YWHAE: variants seen among roughly 807,000 people sequenced by gnomAD.
YWHAE encodes tyrosine 3-monooxygenase/tryptophan 5-monooxygenase activation protein epsilon.
A neutral mutation model predicts 30.1 loss-of-function variants in YWHAE; 4 were observed. The ratio of observed to expected loss-of-function variants is 0.13; its 90% CI spans 0.07 to 0.30. The LOEUF (loss-of-function observed/expected upper bound fraction) is 0.30. Ranked by LOEUF, YWHAE falls within the 10% of genes least tolerant of loss-of-function variation. YWHAE has a pLI of 1.00. For missense variants in YWHAE, 121 were observed against 315.9 expected (o/e 0.38, Z 4.68); for synonymous variants, 118 against 111.8 (o/e 1.06, Z -0.35).
intron 4 of YWHAE, among the ~76,000 whole-genome samples, chr17:1,357,487 A>G (rs1402612964): frequency 6.8e-6 from 1 of 147,898 alleles, no homozygotes; most frequent in African/African-American, 2.5e-5. Context: ...GGCTGAGGCG[A>G]GAGAATCGCC....
At chr17:1,353,681 T>C (rs1220582506) in intron 5 of YWHAE, among the ~76,000 whole-genome samples, 1 of 151,022 alleles carries the variant, frequency 6.6e-6, no homozygotes, top group African/African-American at 2.4e-5. Context: ...GGAGAATCGC[T>C]TGAACCCGGG....
intron 5 of YWHAE, among the ~76,000 whole-genome samples, chr17:1,349,247 C>T (rs2072579446): frequency 6.6e-6 from 1 of 152,182 alleles, no homozygotes; most frequent in South Asian, 2.1e-4. Flanking sequence ...GAGGACGAGG[C>T]AGAAGAATCG....
chr17:1,359,961 A>G (rs202150772), intron 4 of YWHAE, among the ~76,000 whole-genome samples: 27 of 108,574 alleles, frequency 2.5e-4, no homozygotes, highest in East Asian at 6.7e-4. Flanking sequence ...AGAGAGGGGG[A>G]GAGAGAGAGA....
rs534780118 is a variant in YWHAE, at chr17:1,344,998, C to G, written c.*449G>C. On this transcript the variant is annotated 3_prime_UTR_variant, in exon 6 of 6. Transcript: ENST00000264335. Reference sequence around the variant, plus strand: ...GCTAACACCCAATTACTTGCAAACACTGGTATAAAACACAGTTTAAACAAT... The same window carrying G: ...GCTAACACCCAATTACTTGCAAACAGTGGTATAAAACACAGTTTAAACAAT... The G allele has an allele frequency of 4.2e-6, 1 of 236,802 alleles. No individual in the cohort carries two copies. Among genetic ancestry groups the G allele is most frequent in the Non-Finnish European group, 8.3e-6 (1 of 119,924 alleles). The allele number at this position is 236,802 out of a possible 1,614,324, so 14.7% of individuals were successfully genotyped here.
At chr17:1,385,340 G>T (rs1215232636) in intron 1 of YWHAE, among the ~76,000 whole-genome samples, 1 of 152,026 alleles carries the variant, frequency 6.6e-6, no homozygotes. Context: ...AAAACACCAA[G>T]GTCCCCTGTG....
intron 1 of YWHAE, among the ~76,000 whole-genome samples, chr17:1,368,391 A>T (rs952486016): frequency 2.0e-5 from 3 of 151,602 alleles, no homozygotes; most frequent in Non-Finnish European, 4.4e-5. Flanking sequence ...AAAGGAAAAA[A>T]AAAGAAAAAG....
chr17:1,364,287 T>C (rs1191567897), intron 2 of YWHAE, among the ~76,000 whole-genome samples: 10 of 151,564 alleles, frequency 6.6e-5, no homozygotes, highest in African/African-American at 1.7e-4. Flanking sequence ...AGTGCAGCAG[T>C]GCGATCTCGG....
intron 2 of YWHAE, among the ~76,000 whole-genome samples, chr17:1,362,733 C>T (rs534523953): frequency 3.9e-5 from 6 of 151,968 alleles, no homozygotes; most frequent in Non-Finnish European, 7.4e-5. Context: ...CCTCTCCGTG[C>T]CCCTGGAACC....
chr17:1,383,690 T>C (rs1177989174), intron 1 of YWHAE, among the ~76,000 whole-genome samples: 1 of 152,060 alleles, frequency 6.6e-6, no homozygotes, highest in African/African-American at 2.4e-5. Context: ...ACCCGGCCCT[T>C]GTTTAAACAA....
chr17:1,357,131 C>T (rs770500241), intron 4 of YWHAE, among the ~76,000 whole-genome samples: 5 of 151,174 alleles, frequency 3.3e-5, no homozygotes, highest in East Asian at 2.0e-4. Flanking sequence ...AGGCCGGGCG[C>T]GGTGGCTCAC....
chr17:1,362,119 G>A, intron 2 of YWHAE, 111 bp from the exon 3 acceptor site: 1 of 594,196 alleles, frequency 1.7e-6, no homozygotes, highest in East Asian at 3.1e-5. Context: ...AAAAGAATTT[G>A]TATCCCTCTC....
In YWHAE at chr17:1,344,808, C is replaced by T. The variant is rs2072489642; in HGVS notation, c.*639G>A. 1 of 233,012 alleles carries T rather than the reference C, an allele frequency of 4.3e-6. No individual in the cohort carries two copies. The highest frequency in any genetic ancestry group is 2.2e-5 in the African/African-American group (1 of 45,306). The allele number at this position is 233,012 out of a possible 1,614,324, so 14.4% of individuals were successfully genotyped here. A position where few individuals can be genotyped will look rare whatever the true frequency, so the allele number is the denominator to read the frequency against. Reference sequence around the variant, plus strand: ...TTTTCCATACCACCTTCAACGCTAACCTGCTTCAGTGGGAGAGTAAAGTAG... The same window carrying T: ...TTTTCCATACCACCTTCAACGCTAATCTGCTTCAGTGGGAGAGTAAAGTAG... On this transcript the variant is annotated 3_prime_UTR_variant, in exon 6 of 6. Transcript: ENST00000264335.
chr17:1,354,980 T>G (rs1201798152), intron 4 of YWHAE, among the ~76,000 whole-genome samples: 1 of 74,398 alleles, frequency 1.3e-5, no homozygotes, highest in Non-Finnish European at 2.6e-5. Context: ...TTTTTTTTTT[T>G]TTTTTTTTTT....
At chr17:1,364,096 A>G (rs1567965393) in intron 2 of YWHAE, among the ~76,000 whole-genome samples, 1 of 152,184 alleles carries the variant, frequency 6.6e-6, no homozygotes, top group Non-Finnish European at 1.5e-5. Flanking sequence ...CTTTTTTTTA[A>G]CAAGACCTAC....
chr17:1,354,984 T>TTTG (rs2072707263), intron 4 of YWHAE, among the ~76,000 whole-genome samples: 1 of 96,604 alleles, frequency 1.0e-5, no homozygotes, highest in Non-Finnish European at 2.1e-5. Flanking sequence ...TTTTTTTTTT[T>TTTG]TTTTTTTTTT....
At chr17:1,397,787 TCTC>T (rs1291628357) in intron 1 of YWHAE, among the ~76,000 whole-genome samples, 1 of 152,028 alleles carries the variant, frequency 6.6e-6, no homozygotes, top group African/African-American at 2.4e-5. Flanking sequence ...CTGGTTTCTG[TCTC>T]CTCCTCCTCC....
intron 4 of YWHAE, among the ~76,000 whole-genome samples, chr17:1,354,898 G>A (rs2072702637): frequency 6.8e-6 from 1 of 147,974 alleles, no homozygotes; most frequent in Admixed American, 6.8e-5. Flanking sequence ...TCCTGACCTC[G>A]TGATCCACCA....
intron 4 of YWHAE, among the ~76,000 whole-genome samples, chr17:1,358,247 AT>A (rs936483592): frequency 1.6e-4 from 24 of 150,316 alleles, no homozygotes; most frequent in Admixed American, 9.9e-4. Flanking sequence ...ACAAAAAAAA[AT>A]TTTTTTTTTG....
chr17:1,362,010 TAA>T lies in YWHAE; in HGVS notation c.265-4_265-3del, dbSNP rs543499657. The T allele has an allele frequency of 3.3e-4, 391 of 1,177,402 alleles. No homozygotes were observed. Among genetic ancestry groups the T allele is most frequent in the South Asian group, 7.4e-4 (44 of 59,824 alleles). The allele number at this position is 1,177,402 out of a possible 1,614,324, so 72.9% of individuals were successfully genotyped here. A position where few individuals can be genotyped will look rare whatever the true frequency, so the allele number is the denominator to read the frequency against. On this transcript the variant is annotated splice_polypyrimidine_tract_variant and splice_region_variant and intron_variant, in intron 2 of 5. Transcript: ENST00000264335. Reference sequence around the variant, plus strand: ...GATTAACTTTAGCTCAGTCTCAACCTAAAAAAAAAAAAATTTTTTTTAAATCA... The same window carrying T: ...GATTAACTTTAGCTCAGTCTCAACCTAAAAAAAAAAATTTTTTTTAAATCA...
Sources: gnomAD v4.1 joint callset for allele counts (sites outside exome capture counted in the v4.1 genomes callset) on GRCh38, gnomAD v4.1.1 for gene constraint, MANE v1.5 for transcripts, NCBI Gene and HGNC (gene_info 2026-07-23, HGNC 2026-07-21) for gene names.